The following ITGBL1 variants were observed in gnomAD, a reference collection of about 807,000 sequenced individuals.
ITGBL1 encodes integrin subunit beta like 1.
In ITGBL1, 51 loss-of-function variants were observed where a neutral mutation model predicts 68.5. That is an observed-to-expected ratio of 0.74 (90% CI 0.59 to 0.94). The LOEUF (loss-of-function observed/expected upper bound fraction) is 0.94, where lower values mean the gene tolerates loss of function less well. Ranked by LOEUF, ITGBL1 falls within the 40% of genes least tolerant of loss-of-function variation. ITGBL1 has a pLI of 0.00. For missense variants in ITGBL1, 649 were observed against 647.4 expected (o/e 1.00, Z -0.03); for synonymous variants, 209 against 227.3 (o/e 0.92, Z 0.72).
chr13:101,533,932 A>G lies in ITGBL1; in HGVS notation c.317-33767A>G, dbSNP rs979716698. ...AATTAGTAAAGTAGGAAATGGTCCA[A>G]TTGTTCAAATCTTTGCCTATTTTCC... On this transcript the variant is annotated intron_variant, in intron 2 of 10. Coordinates refer to ENST00000376180, the MANE Select transcript of ITGBL1 (RefSeq NM_004791.3). Among the ~76,000 whole-genome samples the G allele has an allele frequency of 2.0e-5, 3 of 152,224 alleles. No individual in the cohort carries two copies. In the South Asian group the frequency reaches 6.2e-4, roughly 31 times the overall value.
chr13:101,593,262 A>C (rs980096199), intron 6 of ITGBL1, among the ~76,000 whole-genome samples: 40 of 152,108 alleles, frequency 2.6e-4, no homozygotes, highest in Non-Finnish European at 5.7e-4. Flanking sequence ...AAAAAGACAA[A>C]AGAAAACAAA....
At chr13:101,584,960 A>T (rs2139293704) in intron 6 of ITGBL1, among the ~76,000 whole-genome samples, 1 of 151,906 alleles carries the variant, frequency 6.6e-6, no homozygotes, top group Non-Finnish European at 1.5e-5. Flanking sequence ...GAAAGATGAG[A>T]GGGGCATTCC....
chr13:101,638,742 C>T (rs960350980), intron 7 of ITGBL1, among the ~76,000 whole-genome samples: 32 of 152,082 alleles, frequency 2.1e-4, no homozygotes, highest in Non-Finnish European at 1.9e-4. Flanking sequence ...GGGTCCCTCC[C>T]ACAACACATG....
intron 7 of ITGBL1, among the ~76,000 whole-genome samples, chr13:101,626,278 T>G (rs928709788): frequency 1.3e-5 from 2 of 152,244 alleles, no homozygotes; most frequent in African/African-American, 4.8e-5. Flanking sequence ...CCATGGATTT[T>G]TATAGCCTTT....
chr13:101,697,652 G>A (rs1351418327), intron 8 of ITGBL1, among the ~76,000 whole-genome samples: 1 of 152,110 alleles, frequency 6.6e-6, no homozygotes, highest in Non-Finnish European at 1.5e-5. Context: ...TGTCTTCTCT[G>A]CTTTGGTTTA....
At chr13:101,681,832 A>ATGTG (rs984383488) in intron 7 of ITGBL1, among the ~76,000 whole-genome samples, 1 of 151,822 alleles carries the variant, frequency 6.6e-6, no homozygotes, top group East Asian at 1.9e-4. Flanking sequence ...ATGTGTGTAT[A>ATGTG]TGTGTGTGTG....
intron 7 of ITGBL1, among the ~76,000 whole-genome samples, chr13:101,641,415 CT>C (rs1212435165): frequency 6.6e-6 from 1 of 151,848 alleles, no homozygotes; most frequent in Non-Finnish European, 1.5e-5. Context: ...AAAATGTGTG[CT>C]TTCTAAAGTC....
rs568419012 is a variant in ITGBL1, at chr13:101,614,685, C to T, written c.1015+16386C>T. 2.0e-5 allele frequency among the ~76,000 whole-genome samples: 3 copies of T among 152,236 alleles called. No homozygotes were observed. In the South Asian group the frequency reaches 6.2e-4, roughly 32 times the overall value. On this transcript the variant is annotated intron_variant, in intron 7 of 10. Coordinates refer to ENST00000376180, the MANE Select transcript of ITGBL1 (RefSeq NM_004791.3). ...GCAGCTACGGTGAGAGGCGACACTT[C>T]TGAGAAGTGAGGCGCATGCTCAGGG...
At chr13:101,480,824 T>A (rs147112646) in intron 2 of ITGBL1, among the ~76,000 whole-genome samples, 10 of 152,170 alleles carry the variant, frequency 6.6e-5, no homozygotes, top group African/African-American at 2.4e-4. Context: ...ATGAGCATGA[T>A]GTTGACTGGT....
intron 7 of ITGBL1, among the ~76,000 whole-genome samples, chr13:101,610,682 T>C (rs2031083528): frequency 6.6e-6 from 1 of 152,160 alleles, no homozygotes. Flanking sequence ...AATGGCAAAG[T>C]TGAGTAGTGG....
At chr13:101,502,252 A>G (rs918358020) in intron 2 of ITGBL1, among the ~76,000 whole-genome samples, 1 of 152,194 alleles carries the variant, frequency 6.6e-6, no homozygotes, top group African/African-American at 2.4e-5. Context: ...AGGAAACCAC[A>G]TAGGACCATG....
At chr13:101,486,729 T>C (rs887158788) in intron 2 of ITGBL1, among the ~76,000 whole-genome samples, 1 of 152,228 alleles carries the variant, frequency 6.6e-6, no homozygotes, top group Non-Finnish European at 1.5e-5. Flanking sequence ...GTATTGTAAA[T>C]AATGGTAATT....
chr13:101,537,269 T>C (rs2049595049), intron 2 of ITGBL1, among the ~76,000 whole-genome samples: 1 of 152,002 alleles, frequency 6.6e-6, no homozygotes, highest in Non-Finnish European at 1.5e-5. Flanking sequence ...TCCAGGCTAT[T>C]CCATCTCATT....
chr13:101,699,819 G>A (rs561073104), intron 8 of ITGBL1, among the ~76,000 whole-genome samples: 3 of 152,276 alleles, frequency 2.0e-5, no homozygotes, highest in Non-Finnish European at 2.9e-5. Flanking sequence ...CAGTCGTGTT[G>A]GTGAGACAAA....
chr13:101,605,183 GACATAGGCA>G (rs1359670047), intron 7 of ITGBL1, among the ~76,000 whole-genome samples: 4 of 65,756 alleles, frequency 6.1e-5, no homozygotes, highest in African/African-American at 1.7e-4. Flanking sequence ...TGCACATATA[GACATAGGCA>G]TGTGTGTATA....
chr13:101,704,055 C>G (rs2034197152), intron 8 of ITGBL1, among the ~76,000 whole-genome samples: 2 of 151,262 alleles, frequency 1.3e-5, no homozygotes, highest in Non-Finnish European at 2.9e-5. Flanking sequence ...TGACTCAGAG[C>G]CTTTGTGATT....
chr13:101,632,372 T>A (rs1443575103), intron 7 of ITGBL1, among the ~76,000 whole-genome samples: 1 of 152,134 alleles, frequency 6.6e-6, no homozygotes, highest in Admixed American at 6.5e-5. Context: ...GCACAACCAC[T>A]AGAATGGAGA....
At chr13:101,678,316 T>TAA (rs1201128672) in intron 7 of ITGBL1, among the ~76,000 whole-genome samples, 1 of 152,230 alleles carries the variant, frequency 6.6e-6, no homozygotes, top group African/African-American at 2.4e-5. Context: ...ACTGTTGTTT[T>TAA]ATGGTGAATT....
chr13:101,531,619 G>A (rs1008204876), intron 2 of ITGBL1, among the ~76,000 whole-genome samples: 22 of 137,514 alleles, frequency 1.6e-4, no homozygotes, highest in Non-Finnish European at 6.2e-5. Context: ...TGGGGGGAGG[G>A]GATTTACTTT....
Sources: allele counts gnomAD v4.1 joint callset (sites outside exome capture counted in the v4.1 genomes callset), GRCh38; gene constraint gnomAD v4.1.1; transcripts MANE v1.5; gene names NCBI Gene and HGNC (gene_info 2026-07-23, HGNC 2026-07-21).